Variants in CACNA2D1 observed in about 807,000 individuals in gnomAD.
The protein encoded by CACNA2D1 is calcium voltage-gated channel auxiliary subunit alpha2delta 1, also known as voltage-dependent calcium channel subunit alpha-2/delta-1.
In CACNA2D1, 53 loss-of-function variants were observed where a neutral mutation model predicts 171.5. The observed-to-expected ratio is 0.31, with a 90% confidence interval of 0.25 to 0.39. CACNA2D1 has a LOEUF of 0.39. CACNA2D1 is among the 10% of genes least tolerant of loss of function. CACNA2D1 has a pLI of 1.00. For synonymous variants in CACNA2D1, 442 were observed against 443.1 expected, an observed-to-expected ratio of 1.00 and a Z score of 0.03; for missense variants, 903 against 1,299.8, an observed-to-expected ratio of 0.69 and a Z score of 4.69.
intron 1 of CACNA2D1, among the ~76,000 whole-genome samples, chr7:82,405,163 C>A (rs1356842487): frequency 6.6e-6 from 1 of 152,026 alleles, no homozygotes; most frequent in African/African-American, 2.4e-5. Context: ...TTTCTGGACA[C>A]AAAACATGCT....
At chr7:82,068,521 TAG>T (rs1807939351) in intron 7 of CACNA2D1, among the ~76,000 whole-genome samples, 1 of 152,204 alleles carries the variant, frequency 6.6e-6, no homozygotes, top group African/African-American at 2.4e-5. Context: ...ATAAATCCTT[TAG>T]AGTTCTCTGT....
chr7:82,396,196 T>C (rs943519303), intron 1 of CACNA2D1, among the ~76,000 whole-genome samples: 5 of 152,206 alleles, frequency 3.3e-5, no homozygotes, highest in African/African-American at 1.2e-4. Context: ...CAGCTTTCTC[T>C]TTCCAGGCTG....
intron 6 of CACNA2D1, among the ~76,000 whole-genome samples, chr7:82,095,309 C>T (rs1811722806): frequency 6.6e-6 from 1 of 152,152 alleles, no homozygotes; most frequent in Non-Finnish European, 1.5e-5. Context: ...TATCAACTCC[C>T]TCCCCACTCC....
chr7:82,120,463 C>T (rs781778726), intron 5 of CACNA2D1, among the ~76,000 whole-genome samples: 13 of 152,112 alleles, frequency 8.5e-5, no homozygotes, highest in South Asian at 6.2e-4. Context: ...CATGGCATCA[C>T]GGTCCAATGT....
At chr7:82,182,834 G>C (rs1186509081) in intron 3 of CACNA2D1, among the ~76,000 whole-genome samples, 1 of 151,936 alleles carries the variant, frequency 6.6e-6, no homozygotes, top group Non-Finnish European at 1.5e-5. Context: ...TCGGGAGTTC[G>C]AGACCTGTCT....
chr7:82,332,749 C>T lies in CACNA2D1; in HGVS notation c.294+2386G>A, dbSNP rs563784342. ...GTGCAGTGGCTCATGCCTGAAATCC[C>T]AGCACTTTGGGAGGCCAAGGCAGTA... On this transcript the variant is annotated intron_variant, in intron 3 of 38. Transcript: ENST00000356860. Among the ~76,000 whole-genome samples the T allele has an allele frequency of 5.3e-5, 8 of 152,296 alleles. No homozygotes were observed. The East Asian group carries it at 9.6e-4, about 18-fold the overall frequency.
At chr7:82,225,454 T>C (rs1033545923) in intron 3 of CACNA2D1, among the ~76,000 whole-genome samples, 3 of 152,186 alleles carry the variant, frequency 2.0e-5, no homozygotes, top group African/African-American at 4.8e-5. Context: ...CAACAATCTC[T>C]AGAAAAAATA....
chr7:81,978,515 T>C (rs1796087696), intron 24 of CACNA2D1, among the ~76,000 whole-genome samples: 1 of 151,494 alleles, frequency 6.6e-6, no homozygotes, highest in South Asian at 2.1e-4. Context: ...CACTCATAAG[T>C]GGGAGTCGAA....
chr7:82,143,035 G>A (rs1792577667), intron 4 of CACNA2D1, among the ~76,000 whole-genome samples: 1 of 152,106 alleles, frequency 6.6e-6, no homozygotes, highest in African/African-American at 2.4e-5. Context: ...GTGTGTGTAT[G>A]GCTGTCTGTG....
At chr7:82,271,876 T>G (rs1808683185) in intron 3 of CACNA2D1, among the ~76,000 whole-genome samples, 1 of 152,068 alleles carries the variant, frequency 6.6e-6, no homozygotes, top group Admixed American at 6.6e-5. Context: ...GATAAATGGC[T>G]AGACCAGGAA....
intron 2 of CACNA2D1, among the ~76,000 whole-genome samples, chr7:82,344,824 T>C (rs1819063395): frequency 6.6e-6 from 1 of 152,186 alleles, no homozygotes; most frequent in Non-Finnish European, 1.5e-5. Context: ...AAGGCAACTC[T>C]GAATAAAAGC....
At chr7:82,056,592 G>A (rs1250284931) in intron 10 of CACNA2D1, among the ~76,000 whole-genome samples, 1 of 152,108 alleles carries the variant, frequency 6.6e-6, no homozygotes, top group Non-Finnish European at 1.5e-5. Flanking sequence ...CCTCCAGTTT[G>A]ATGCAACTAC....
chr7:82,163,632 C>T (rs1483052471), intron 4 of CACNA2D1, among the ~76,000 whole-genome samples: 1 of 152,018 alleles, frequency 6.6e-6, no homozygotes, highest in Non-Finnish European at 1.5e-5. Context: ...GAAAGAGCTT[C>T]AGGTCTCTTA....
At chr7:82,138,854 T>A (rs1792024144) in intron 4 of CACNA2D1, among the ~76,000 whole-genome samples, 1 of 152,214 alleles carries the variant, frequency 6.6e-6, no homozygotes, top group Non-Finnish European at 1.5e-5. Flanking sequence ...TTGATCCTGC[T>A]TGTACCTCTG....
At chr7:82,391,516 G>A (rs1430059348) in intron 1 of CACNA2D1, among the ~76,000 whole-genome samples, 3 of 152,110 alleles carry the variant, frequency 2.0e-5, no homozygotes, top group Non-Finnish European at 2.9e-5. Context: ...TGATGTTGTG[G>A]CACACTTAGA....
intron 2 of CACNA2D1, among the ~76,000 whole-genome samples, chr7:82,342,329 T>C (rs1818773913): frequency 6.6e-6 from 1 of 152,214 alleles, no homozygotes; most frequent in African/African-American, 2.4e-5. Context: ...TTTTTGTCTG[T>C]TTTGTTCACT....
At chr7:82,147,258 CAATTT>C (rs1793254371) in intron 4 of CACNA2D1, among the ~76,000 whole-genome samples, 1 of 151,990 alleles carries the variant, frequency 6.6e-6, no homozygotes, top group Admixed American at 6.6e-5. Flanking sequence ...AGAGCTATAT[CAATTT>C]ATTTATTCAT....
chr7:81,977,341 G>A (rs1267049464), intron 24 of CACNA2D1, among the ~76,000 whole-genome samples: 1 of 151,878 alleles, frequency 6.6e-6, no homozygotes, highest in Non-Finnish European at 1.5e-5. Flanking sequence ...CTATTTATCT[G>A]ATGGATTACA....
chr7:81,972,529 G>T (rs2130468900), intron 25 of CACNA2D1, among the ~76,000 whole-genome samples: 1 of 151,886 alleles, frequency 6.6e-6, no homozygotes, highest in Non-Finnish European at 1.5e-5. Context: ...ATTGGTCAAA[G>T]AACCAATACC....
Sources: allele counts gnomAD v4.1 joint callset (sites outside exome capture counted in the v4.1 genomes callset), GRCh38; gene constraint gnomAD v4.1.1; transcripts MANE v1.5; gene names NCBI Gene and HGNC (gene_info 2026-07-23, HGNC 2026-07-21).